The following FRK variants were observed in gnomAD, a reference collection of about 807,000 sequenced individuals.
FRK encodes fyn related Src family tyrosine kinase, also known as tyrosine-protein kinase FRK.
In FRK, 51 loss-of-function variants were observed where a neutral mutation model predicts 56.4. The ratio of observed to expected loss-of-function variants is 0.90; its 90% CI spans 0.72 to 1.14. The LOEUF (loss-of-function observed/expected upper bound fraction) is 1.14, where lower values mean the gene tolerates loss of function less well. Ranked by LOEUF, FRK falls within the 50% of genes most tolerant of loss-of-function variation. The pLI is 0.00. For synonymous variants in FRK, 245 were observed against 217.9 expected, an observed-to-expected ratio of 1.12 and a Z score of -1.10; for missense variants, 570 against 601.4, an observed-to-expected ratio of 0.95 and a Z score of 0.55.
At chr6:116,007,018 A>G (rs1775270683) in intron 1 of FRK, among the ~76,000 whole-genome samples, 1 of 152,204 alleles carries the variant, frequency 6.6e-6, no homozygotes, top group Non-Finnish European at 1.5e-5. Context: ...GTACTCAAGC[A>G]TTCTTTTAAC....
chr6:116,068,158 G>C, the FRK span, among the ~76,000 whole-genome samples: 6 of 152,232 alleles, frequency 3.9e-5, no homozygotes, highest in Admixed American at 1.3e-4. Context: ...ATGAAATATG[G>C]AGCTCTTTAG....
intron 2 of FRK, among the ~76,000 whole-genome samples, chr6:115,993,661 T>C (rs1774707980): frequency 6.6e-6 from 1 of 152,032 alleles, no homozygotes; most frequent in African/African-American, 2.4e-5. Context: ...AATGTAAGCA[T>C]GCTTTCTTGA....
chr6:116,099,166 A>T, the FRK span, among the ~76,000 whole-genome samples: 2 of 152,014 alleles, frequency 1.3e-5, no homozygotes, highest in Non-Finnish European at 2.9e-5. Context: ...CTCTCCCCTT[A>T]CCCCAAGTCA....
the FRK span, among the ~76,000 whole-genome samples, chr6:116,078,760 G>A: frequency 1.3e-5 from 2 of 152,276 alleles, no homozygotes; most frequent in East Asian, 3.9e-4. Flanking sequence ...ACCTCTCCCA[G>A]TGCCAAACAC....
At position 115,942,281 on chromosome 6, in the gene FRK, A is replaced by T; in HGVS notation, c.*133T>A. 1 of 722,134 alleles carries T rather than the reference A, an allele frequency of 1.4e-6. No homozygotes were observed. The highest frequency in any genetic ancestry group is 1.8e-5 in the African/African-American group (1 of 56,360). The allele number at this position is 722,134 out of a possible 1,614,324, so 44.7% of individuals were successfully genotyped here. A position where few individuals can be genotyped will look rare whatever the true frequency, so the allele number is the denominator to read the frequency against. On this transcript the variant is annotated 3_prime_UTR_variant, in exon 8 of 8. Coordinates refer to ENST00000606080, the MANE Select transcript of FRK (RefSeq NM_002031.3). Reference sequence around the variant, plus strand: ...GCACAAATAATCTTTTTCATAATACATGGCCAACTTTATCCTATCACTTGA... The same window carrying T: ...GCACAAATAATCTTTTTCATAATACTTGGCCAACTTTATCCTATCACTTGA...
At chr6:115,951,112 T>C (rs1427106255) in intron 5 of FRK, among the ~76,000 whole-genome samples, 1 of 152,168 alleles carries the variant, frequency 6.6e-6, no homozygotes, top group Non-Finnish European at 1.5e-5. Flanking sequence ...TGCATGTGTA[T>C]ACCTATGTAA....
At chr6:116,062,950 T>G (rs947353422), upstream of FRK, among the ~76,000 whole-genome samples, 1 of 152,212 alleles carries the variant, frequency 6.6e-6, no homozygotes, top group Non-Finnish European at 1.5e-5. Flanking sequence ...CAGAATATTC[T>G]TTCCTAGATT....
chr6:115,937,731 G>A lies in FRK; in HGVS notation c.*4683C>T, dbSNP rs1266112863. 1 of 152,062 alleles carries A rather than the reference G, an allele frequency of 6.6e-6. No individual in the cohort carries two copies. Among genetic ancestry groups the A allele is most frequent in the East Asian group, 1.9e-4 (1 of 5,192 alleles). 9.4% of individuals were successfully genotyped at this position (152,062 alleles called of 1,614,324 possible). A position where few individuals can be genotyped will look rare whatever the true frequency, so the allele number is the denominator to read the frequency against. ...AACAAAGATCAAAAGAGACAAAGAAGGGCATTACATAATGGTAAACAGATC... is the reference window on the plus strand; with the variant it reads ...AACAAAGATCAAAAGAGACAAAGAAAGGCATTACATAATGGTAAACAGATC... On this transcript the variant is annotated 3_prime_UTR_variant, in exon 8 of 8. Transcript: ENST00000606080.
chr6:116,003,772 T>C (rs1455386124), intron 2 of FRK, 105 bp downstream of exon 2: 9 of 1,328,002 alleles, frequency 6.8e-6, no homozygotes, highest in South Asian at 1.4e-5. Flanking sequence ...ACTGTAAAGA[T>C]AAGAAATAAG....
the FRK span, among the ~76,000 whole-genome samples, chr6:116,080,201 G>T: frequency 6.6e-6 from 1 of 152,150 alleles, no homozygotes; most frequent in Non-Finnish European, 1.5e-5. Context: ...TGGTCACCAG[G>T]TTGGAGTACA....
At chr6:116,062,764 C>A (rs1252846727), upstream of FRK, among the ~76,000 whole-genome samples, 1 of 152,154 alleles carries the variant, frequency 6.6e-6, no homozygotes, top group Non-Finnish European at 1.5e-5. Flanking sequence ...TCTTTGTGTC[C>A]ATAGTACCAG....
intron 2 of FRK, among the ~76,000 whole-genome samples, chr6:115,974,606 A>G (rs1280140714): frequency 1.3e-5 from 2 of 152,326 alleles, no homozygotes; most frequent in South Asian, 2.1e-4. Context: ...TATTAAAATA[A>G]AAGAGTAGGC....
intron 1 of FRK, among the ~76,000 whole-genome samples, chr6:116,052,040 T>C (rs568333859): frequency 6.6e-6 from 1 of 152,296 alleles, no homozygotes; most frequent in African/African-American, 2.4e-5. Flanking sequence ...CAGTAAATCC[T>C]CTACTTTAAA....
At chr6:116,001,021 C>T (rs1263838754) in intron 2 of FRK, among the ~76,000 whole-genome samples, 3 of 152,076 alleles carry the variant, frequency 2.0e-5, no homozygotes, top group Admixed American at 6.5e-5. Context: ...GGATGGATCA[C>T]GAGGTCAGGA....
rs531774742 is a variant in FRK at position 115,952,263 on chromosome 6, C to T, written c.958+4189G>A. Among the ~76,000 whole-genome samples, 437 of 152,184 alleles carry T rather than the reference C, an allele frequency of 2.9e-3. 6 individuals carry two copies. In the South Asian group the frequency reaches 0.036, roughly 12 times the overall value. On this transcript the variant is annotated intron_variant, in intron 5 of 7. Transcript: ENST00000606080. ...TTAGACATGTTGCCCATGCCTATGTCCTGAATGGTAATGCCTAGGTTTTCT... is the reference window on the plus strand; with the variant it reads ...TTAGACATGTTGCCCATGCCTATGTTCTGAATGGTAATGCCTAGGTTTTCT...
At chr6:116,052,791 C>T (rs1777229914) in intron 1 of FRK, among the ~76,000 whole-genome samples, 2 of 152,136 alleles carry the variant, frequency 1.3e-5, no homozygotes, top group African/African-American at 4.8e-5. Context: ...CTGAAAGACA[C>T]TCAATGTCCA....
intron 1 of FRK, among the ~76,000 whole-genome samples, chr6:116,015,354 C>T (rs1775610282): frequency 6.6e-6 from 1 of 152,160 alleles, no homozygotes; most frequent in Non-Finnish European, 1.5e-5. Context: ...TTGTAAGTTT[C>T]CCGAGTCTTC....
intron 5 of FRK, among the ~76,000 whole-genome samples, chr6:115,948,135 G>A (rs1191594761): frequency 2.0e-5 from 3 of 152,150 alleles, no homozygotes; most frequent in Non-Finnish European, 4.4e-5. Flanking sequence ...TTGTTCTCTC[G>A]CTTGCTCACT....
intron 1 of FRK, among the ~76,000 whole-genome samples, chr6:116,015,561 T>C (rs1342088695): frequency 6.6e-6 from 1 of 152,092 alleles, no homozygotes; most frequent in African/African-American, 2.4e-5. Flanking sequence ...GTTGGACAGT[T>C]TGGAGGGCTC....
Sources: allele counts gnomAD v4.1 joint callset (sites outside exome capture counted in the v4.1 genomes callset), GRCh38; gene constraint gnomAD v4.1.1; transcripts MANE v1.5; gene names NCBI Gene and HGNC (gene_info 2026-07-23, HGNC 2026-07-21).